Variants in SHOX observed in about 807,000 individuals in gnomAD.
The protein encoded by SHOX is SHOX homeobox.
SHOX carries 12 observed loss-of-function variants against 29.6 expected under a neutral mutation model. The observed-to-expected ratio is 0.41, with a 90% CI of 0.26 to 0.66. The LOEUF (loss-of-function observed/expected upper bound fraction) is 0.66. SHOX is among the 30% of genes least tolerant of loss of function. The pLI is 0.35. For synonymous variants in SHOX, 214 were observed against 200.6 expected (o/e 1.07, Z -0.57); for missense variants, 499 against 437.7 (o/e 1.14, Z -1.25).
chrX:624,866 C>CTTTCTTTCTTTTCT (rs1448012298), intron 1 of SHOX, among the ~76,000 whole-genome samples: 2 of 54,848 alleles, frequency 3.6e-5, no homozygotes, highest in Non-Finnish European at 6.5e-5. Context: ...TCTTTCTTTT[C>CTTTCTTTCTTTTCT]TTTCTTTCTT....
Position 641,149 on chromosome X carries a change from C to CTA in SHOX, c.633+64_633+65dup, listed in dbSNP as rs2052847148. ...ACCTGCTGCTCCCTTCCCCTTTCCC[C>CTA]TATTTGCTGCCGCATCCTGACACTC... On this transcript the variant is annotated intron_variant, in intron 4 of 4. Transcript: ENST00000686671. The CTA allele has an allele frequency of 3.4e-6, 5 of 1,488,872 alleles. No individual in the cohort carries two copies. The South Asian group carries it at 4.5e-5, about 14-fold the overall frequency. The allele number at this position is 1,488,872 out of a possible 1,614,324, so 92.2% of individuals were successfully genotyped here.
In SHOX at chrX:625,058, C is replaced by CT. The variant is rs542639091; in HGVS notation, c.-433+456_-433+457insT. ...CTTTCCTTTCCTCCCTCTGTTCCTTCCTCCCTCCCTCCCTCCTTCTCTCCC... is the reference window on the plus strand; with the variant it reads ...CTTTCCTTTCCTCCCTCTGTTCCTTCTCTCCCTCCCTCCCTCCTTCTCTCCC... On this transcript the variant is annotated intron_variant, in intron 1 of 5. Transcript: ENST00000334060. 4.7e-3 allele frequency among the ~76,000 whole-genome samples: 356 copies of CT among 75,248 alleles called. 10 individuals carry two copies. In the East Asian group the frequency reaches 0.06, roughly 13 times the overall value. The allele number at this position is 75,248 out of a possible 152,430, so 49.4% of individuals were successfully genotyped here. A position where few individuals can be genotyped will look rare whatever the true frequency, so the allele number is the denominator to read the frequency against.
At chrX:655,614 C>CTATATATATATATA (rs1173014302), downstream of SHOX, among the ~76,000 whole-genome samples, 4 of 35,080 alleles carry the variant, frequency 1.1e-4, no homozygotes, top group Admixed American at 4.1e-4. Flanking sequence ...CTCTCTCTCT[C>CTATATATATATATA]TATATATATA....
chrX:641,839 C>T (rs113942427), intron 4 of SHOX, among the ~76,000 whole-genome samples: 14,966 of 152,180 alleles, frequency 0.098, 967 homozygotes, highest in South Asian at 0.16. Flanking sequence ...TTAAGAAGGG[C>T]GCAGATGCCT....
intron 2 of SHOX, among the ~76,000 whole-genome samples, chrX:639,220 C>T (rs2052807490): frequency 6.6e-6 from 1 of 152,152 alleles, no homozygotes; most frequent in Admixed American, 6.5e-5. Flanking sequence ...GATAGTTTAC[C>T]CCAAGACTCA....
intron 1 of SHOX, 55 bp downstream of exon 1, chrX:631,229 C>A: frequency 1.2e-6 from 2 of 1,600,446 alleles, no homozygotes; most frequent in South Asian, 2.2e-5. Context: ...TCGGCGCCTC[C>A]TCGCCACGGA....
chrX:635,293 G>C (rs1043354873), intron 2 of SHOX, among the ~76,000 whole-genome samples: 3 of 151,670 alleles, frequency 2.0e-5, no homozygotes, highest in South Asian at 2.1e-4. Flanking sequence ...TGTTTTACAA[G>C]ATTTTTCATT....
chrX:634,350 G>A (rs147513803), intron 1 of SHOX, among the ~76,000 whole-genome samples: 3 of 152,144 alleles, frequency 2.0e-5, no homozygotes, highest in African/African-American at 2.4e-5. Flanking sequence ...AGAAAAAAAG[G>A]TTAGGTTATG....
At chrX:640,682 G>C in intron 2 of SHOX, 139 bp from the exon 3 acceptor site, 1 of 873,246 alleles carries the variant, frequency 1.1e-6, no homozygotes, top group South Asian at 1.3e-5. Context: ...GGCGGTAAGT[G>C]TCTGGGCGCC....
In SHOX at chrX:658,226, C is replaced by T. The variant is rs746540607; in HGVS notation, c.634-559C>T. On this transcript the variant is annotated intron_variant, in intron 5 of 5. Transcript: ENST00000334060. ...CTGACCTCAGGTGATCCGCCTGCCT[C>T]GGCCTCCCAAAGTGCTGGGATGACA... Among the ~76,000 whole-genome samples, 7 of 152,110 alleles carry T rather than the reference C, an allele frequency of 4.6e-5. No homozygotes were observed. In the South Asian group the frequency reaches 1.0e-3, roughly 23 times the overall value.
At position 648,889 on chromosome X, in the gene SHOX, CTCCT is replaced by C. The variant is rs372634110; in HGVS notation, c.*4271_*4274del. On this transcript the variant is annotated 3_prime_UTR_variant, in exon 5 of 5. Coordinates refer to ENST00000686671, the MANE Select transcript of SHOX (RefSeq NM_000451.4). ...ACCAACGCCCTCTTCTCTCTCCCTT[CTCCT>C]TCCTTCCTTCCTTCCTTTCTTTCTT... Among the ~76,000 whole-genome samples, 1,037 of 141,962 alleles carry C rather than the reference CTCCT, an allele frequency of 7.3e-3. 5 individuals carry two copies. The highest frequency in any genetic ancestry group is 0.024 in the African/African-American group (922 of 37,712). The allele number at this position is 141,962 out of a possible 152,430, so 93.1% of individuals were successfully genotyped here.
chrX:642,438 G>C lies in SHOX; in HGVS notation c.633+1351G>C, dbSNP rs193259640. Among the ~76,000 whole-genome samples, 1,101 of 152,192 alleles carry C rather than the reference G, an allele frequency of 7.2e-3. 15 individuals carry two copies. The highest frequency in any genetic ancestry group is 0.025 in the African/African-American group (1,048 of 41,520). ...CTTGGGGGGTGGCGGTGGGGAGCGC[G>C]GAAGGTATAAACGTATAAATCATAA... is the stretch of plus-strand genomic sequence containing the variant. On this transcript the variant is annotated intron_variant, in intron 4 of 4. Transcript: ENST00000686671.
rs186840168 is a variant in SHOX at position 631,237 on chromosome X, G to A, written c.277+63G>A. On this transcript the variant is annotated intron_variant, in intron 1 of 4. Coordinates refer to ENST00000686671, the MANE Select transcript of SHOX (RefSeq NM_000451.4). The stretch of plus-strand genomic sequence containing the variant: ...CTGGGGTTCGGCGCCTCCTCGCCAC[G>A]GAGTCGGCCCCGCGCGCCCCTCGCT... 3,880 of 1,589,320 alleles carry A rather than the reference G, an allele frequency of 2.4e-3. 59 individuals are homozygous for A. The Admixed American group carries it at 0.039, about 16-fold the overall frequency.
chrX:625,108 TTC>T (rs898890988), intron 1 of SHOX, among the ~76,000 whole-genome samples: 1 of 129,240 alleles, frequency 7.7e-6, no homozygotes, highest in South Asian at 2.8e-4. Flanking sequence ...CCTTTCTTTC[TTC>T]TTTCTTTCTT....
exon 6 of SHOX, chrX:659,061 G>A (rs28670541): frequency 0.043 from 6,569 of 153,982 alleles, 234 homozygotes; most frequent in East Asian, 0.12. Flanking sequence ...CCCTGCGCCC[G>A]GCCTTTGTAA....
Position 644,810 on chromosome X carries a change from C to A in SHOX, c.*174C>A. 1.2e-6 allele frequency: 1 copy of A among 856,666 alleles called. No homozygotes were observed. The highest frequency in any genetic ancestry group is 1.6e-6 in the Non-Finnish European group (1 of 618,722). 53.1% of individuals were successfully genotyped at this position (856,666 alleles called of 1,614,324 possible). On this transcript the variant is annotated 3_prime_UTR_variant, in exon 5 of 5. Transcript: ENST00000686671. ...GGAGGCTCCCGGGACCGTCCACGCA[C>A]GACCCAGCCAGACCCTCGCGGAGAT...
In SHOX at chrX:650,803, A is replaced by AC. The variant is rs1569495974; in HGVS notation, c.*6167_*6168insC. On this transcript the variant is annotated 3_prime_UTR_variant, in exon 5 of 5. Coordinates refer to ENST00000686671, the MANE Select transcript of SHOX (RefSeq NM_000451.4). ...GACACGTTTGACATTAAAAAAAAAA[A>AC]AAAAAAAAAAAAAAAACTGGTGCCT... Among the ~76,000 whole-genome samples the AC allele has an allele frequency of 8.9e-5, 13 of 146,576 alleles. No individual in the cohort carries two copies. Among genetic ancestry groups the AC allele is most frequent in the East Asian group, 2.1e-4 (1 of 4,818 alleles).
intron 2 of SHOX, among the ~76,000 whole-genome samples, chrX:639,924 C>G (rs2052821263): frequency 6.6e-6 from 1 of 151,878 alleles, no homozygotes; most frequent in South Asian, 2.1e-4. Flanking sequence ...TCGCTTGAAC[C>G]TGGGAGGTGG....
intron 1 of SHOX, chrX:624,714 T>TTTC (rs1411637461): frequency 2.1e-5 from 3 of 141,748 alleles, no homozygotes; most frequent in Non-Finnish European, 4.5e-5. Context: ...TCTTTCTTTC[T>TTTC]TTCTTTCTTT....
Sources: gnomAD v4.1 joint callset for allele counts (sites outside exome capture counted in the v4.1 genomes callset) on GRCh38, gnomAD v4.1.1 for gene constraint, MANE v1.5 for transcripts, NCBI Gene and HGNC (gene_info 2026-07-23, HGNC 2026-07-21) for gene names.